Variants in LDHD observed in about 807,000 individuals in gnomAD.
LDHD encodes the protein D-lactate dehydrogenase, mitochondrial.
In LDHD, 58 loss-of-function variants were observed where a neutral mutation model predicts 52.9. The ratio of observed to expected loss-of-function variants is 1.10; its 90% CI spans 0.89 to 1.36. The LOEUF (loss-of-function observed/expected upper bound fraction) is 1.36. Among genes scored for constraint, LDHD ranks in the 40% most tolerant of loss-of-function variants. LDHD has a pLI of 0.00. For synonymous variants in LDHD, 350 were observed against 288.6 expected (o/e 1.21, Z -2.16); for missense variants, 747 against 668.0 (o/e 1.12, Z -1.30).
rs745596232 is a variant in LDHD, at chr16:75,112,879, T to C, written c.1132A>G (p.Ile378Val). The change falls in exon 9 of 11, where the codon ATC (isoleucine) becomes GTC (valine). Residue 378 changes from isoleucine (I) to valine (V), a missense_variant. Ile to Val is a conservative substitution (Grantham distance 29). Coordinates refer to ENST00000450168, the MANE Select transcript of LDHD (RefSeq NM_194436.3). Reference protein sequence around the residue: ...VCVPISRLPEIVVQTKEDLNA... With the variant: ...VCVPISRLPEVVVQTKEDLNA... ...AGATCCTCCTTGGTCTGCACCACGA[T>C]CTCCGGCAGCCGGGAGATGGGCACA... The C allele has an allele frequency of 6.2e-7, 1 of 1,613,360 alleles. No individual in the cohort carries two copies. Among genetic ancestry groups the C allele is most frequent in the Non-Finnish European group, 8.5e-7 (1 of 1,179,988 alleles).
In LDHD at chr16:75,116,649, C is replaced by T. The variant is rs1428878328; in HGVS notation, c.72G>A (p.Lys24=). ...GAGGACTTCTCTTCTCTCCCGGTAC[C>T]TTTGCCTTCTGGGAGCAGTAGCCCC... ...PWRGYCSQKA[K]GELCRDFVEA... The change falls in exon 1 of 11, where the codon AAG becomes AAA. Residue 24 remains lysine (K), a splice_region_variant and synonymous_variant. Coordinates refer to ENST00000450168, the MANE Select transcript of LDHD (RefSeq NM_194436.3). 1.0e-5 allele frequency: 16 copies of T among 1,604,896 alleles called. No individual in the cohort carries two copies. The highest frequency in any genetic ancestry group is 1.4e-5 in the Non-Finnish European group (16 of 1,176,084).
intron 1 of LDHD, among the ~76,000 whole-genome samples, chr16:75,116,379 C>G (rs1390706896): frequency 1.3e-5 from 2 of 152,166 alleles, no homozygotes. Context: ...AACCCAGGCC[C>G]TTTCCTTCAG....
rs774343849 is a variant in LDHD, at chr16:75,112,647, G to A, written c.1244C>T (p.Ala415Val). 6 of 1,613,980 alleles carry A rather than the reference G, an allele frequency of 3.7e-6. No homozygotes were observed. The highest frequency in any genetic ancestry group is 5.1e-6 in the Non-Finnish European group (6 of 1,180,034). ...AGCCTTGACCCTGCCCAGTTCCTCG[G>A]CGTCATCAGGGTTGACCAGCAGGAT... Reference protein sequence around the residue: ...HCILLVNPDDAEELGRVKAFA... With the variant: ...HCILLVNPDDVEELGRVKAFA... The change falls in exon 10 of 11, where the codon GCC (alanine) becomes GTC (valine). Residue 415 changes from alanine (A) to valine (V), a missense_variant. By Grantham distance (64) the Ala-to-Val change is moderately conservative. Coordinates refer to ENST00000450168, the MANE Select transcript of LDHD (RefSeq NM_194436.3).
intron 1 of LDHD, 167 bp downstream of exon 1, chr16:75,116,482 C>G (rs769334208): frequency 2.2e-5 from 13 of 582,504 alleles, no homozygotes; most frequent in African/African-American, 5.8e-5. Flanking sequence ...GCTGATCTCA[C>G]TCTACACCCA....
At position 75,112,646 on chromosome 16, in the gene LDHD, G is replaced by C. The variant is rs768095187; in HGVS notation, c.1245C>G (p.Ala415=). ...HCILLVNPDD[A]EELGRVKAFA... ...AAGCCTTGACCCTGCCCAGTTCCTC[G>C]GCGTCATCAGGGTTGACCAGCAGGA... The change falls in exon 10 of 11, where the codon GCC becomes GCG. Residue 415 remains alanine, a synonymous_variant. Transcript: ENST00000450168. 5.0e-6 allele frequency: 8 copies of C among 1,614,112 alleles called. No homozygotes were observed. The South Asian group carries it at 7.7e-5, about 16-fold the overall frequency.
Position 75,112,078 on chromosome 16 carries a change from G to A in LDHD, c.*278C>T. The A allele has an allele frequency of 2.4e-6, 1 of 421,626 alleles. No individual in the cohort carries two copies. Among genetic ancestry groups the A allele is most frequent in the Non-Finnish European group, 4.2e-6 (1 of 236,294 alleles). 26.1% of individuals were successfully genotyped at this position (421,626 alleles called of 1,614,324 possible). ...GACCCAGACGCTCTCTTCCCGCCAG[G>A]ACAGGATGCGTAGGAGCAGAGAGGA... is the stretch of plus-strand genomic sequence containing the variant. On this transcript the variant is annotated 3_prime_UTR_variant, in exon 11 of 11. Transcript: ENST00000450168.
intron 1 of LDHD, among the ~76,000 whole-genome samples, chr16:75,115,939 C>T (rs1038011425): frequency 1.7e-5 from 1 of 58,962 alleles, no homozygotes; most frequent in Non-Finnish European, 6.0e-5. Context: ...AAAACAGGGT[C>T]TTACTATGTT....
At position 75,114,888 on chromosome 16, in the gene LDHD, T is replaced by C; in HGVS notation, c.408A>G (p.Pro136=). 6.2e-7 allele frequency: 1 copy of C among 1,614,050 alleles called. No homozygotes were observed. Among genetic ancestry groups the C allele is most frequent in the Non-Finnish European group, 8.5e-7 (1 of 1,180,008 alleles). ...NQEDFSVVVE[P]GVTRKALNAH... is the part of the protein sequence containing the mutation. ...CGTTGAGGGCTTTGCGGGTGACACCTGGCTCCACCACCACAGAGAAGTCCT... is the reference window on the plus strand; with the variant it reads ...CGTTGAGGGCTTTGCGGGTGACACCCGGCTCCACCACCACAGAGAAGTCCT... Residue 136 remains proline, a synonymous_variant, in exon 4 of 11, where the codon CCA becomes CCG. Transcript: ENST00000450168.
intron 5 of LDHD, 180 bp from the exon 6 acceptor site, chr16:75,114,345 G>A: frequency 1.4e-6 from 2 of 1,447,588 alleles, no homozygotes; most frequent in South Asian, 1.3e-5. Context: ...GCCTCAGGCA[G>A]GGAGAGCAAA....
intron 1 of LDHD, 31 bp downstream of exon 1, chr16:75,116,618 C>G (rs1449234814): frequency 2.5e-6 from 4 of 1,577,588 alleles, no homozygotes; most frequent in Non-Finnish European, 1.7e-6. Context: ...CCACCTCATC[C>G]CTCCAGAGGA....
At chr16:75,115,781 C>A in intron 1 of LDHD, 121 bp from the exon 2 acceptor site, 1 of 603,196 alleles carries the variant, frequency 1.7e-6, no homozygotes, top group South Asian at 2.3e-5. Context: ...TGCGCCCGCC[C>A]CGCTGACAAC....
At chr16:75,116,543 C>G (rs2036560276) in intron 1 of LDHD, 106 bp downstream of exon 1, 3 of 924,256 alleles carry the variant, frequency 3.2e-6, no homozygotes, top group Non-Finnish European at 5.1e-6. Context: ...AAGGTCAGGT[C>G]ACTTGGTGCT....
chr16:75,113,401 T>C lies in LDHD; in HGVS notation c.1086+134A>G, dbSNP rs936743202. The C allele has an allele frequency of 7.2e-6, 8 of 1,116,430 alleles. No homozygotes were observed. The African/African-American group carries it at 1.2e-4, about 17-fold the overall frequency. 69.2% of individuals were successfully genotyped at this position (1,116,430 alleles called of 1,614,324 possible). A position where few individuals can be genotyped will look rare whatever the true frequency, so the allele number is the denominator to read the frequency against. ...GGTGGGGCGGTCTGCAGCCCTTGTT[T>C]CTAGCGCCTGCTCAGCCAGGCCCAG... is the stretch of plus-strand genomic sequence containing the variant. On this transcript the variant is annotated intron_variant, in intron 8 of 10. Transcript: ENST00000450168.
In LDHD at chr16:75,113,571, G is replaced by C. The variant is rs765184004; in HGVS notation, c.1050C>G (p.Ala350=). The C allele has an allele frequency of 5.6e-6, 9 of 1,612,920 alleles. No homozygotes were observed. The highest frequency in any genetic ancestry group is 1.7e-5 in the Admixed American group (1 of 60,002). The stretch of plus-strand genomic sequence containing the variant: ...GCCGCGTGGCCAGGGCTGCGTACCA[G>C]GCATTGTGCCGTGCTGTCCAAAGCC... The part of the protein sequence containing the change: ...RSRLWTARHN[A]WYAALATRPG... The change falls in exon 8 of 11, where the codon GCC becomes GCG. Residue 350 remains alanine, a synonymous_variant. Transcript: ENST00000450168.
At position 75,114,612 on chromosome 16, in the gene LDHD, G is replaced by C; in HGVS notation, c.543C>G (p.Gly181=). ...GASGTNAVRY[G]TMRDNVLNLE... Reference sequence around the variant, plus strand: ...GGTTGAGCACGTTGTCCCGCATGGTGCCGTAGCGGACCGCGTTGGTCCCCG... The same window carrying C: ...GGTTGAGCACGTTGTCCCGCATGGTCCCGTAGCGGACCGCGTTGGTCCCCG... The change falls in exon 5 of 11, where the codon GGC becomes GGG. Residue 181 remains glycine (G), a synonymous_variant. Transcript: ENST00000450168. 1 of 1,534,472 alleles carries C rather than the reference G, an allele frequency of 6.5e-7. No individual in the cohort carries two copies. The highest frequency in any genetic ancestry group is 2.0e-5 in the Admixed American group (1 of 50,960).
chr16:75,116,499 G>A (rs1464398699), intron 1 of LDHD, 150 bp downstream of exon 1: 3 of 630,866 alleles, frequency 4.8e-6, no homozygotes, highest in South Asian at 1.9e-5. Flanking sequence ...CCCACCCACA[G>A]TTGCCACAGG....
chr16:75,114,268 GTCTGGGCTGGCCTCCCTCGGGCCCAGTT>G, intron 5 of LDHD, 103 bp from the exon 6 acceptor site: 1 of 1,562,958 alleles, frequency 6.4e-7, no homozygotes, highest in Non-Finnish European at 8.6e-7. Context: ...AGGCACTGAG[GTCTGGGCTGGCCTCCCTCGGGCCCAGTT>G]TCCCTGGCCC....
At position 75,113,847 on chromosome 16, in the gene LDHD, C is replaced by G; in HGVS notation, c.853G>C (p.Asp285His). ...AGCTTGCTGTACCTGTTGCAGGCATCCATCATGACTTCATCCAGGAACTCT... is the reference window on the plus strand; with the variant it reads ...AGCTTGCTGTACCTGTTGCAGGCATGCATCATGACTTCATCCAGGAACTCT... ...RIEFLDEVMM[D>H]ACNRYSKLNC... is the part of the protein sequence containing the mutation. The change falls in exon 7 of 11, where the codon GAT becomes CAT. Residue 285 changes from aspartate (D) to histidine (H), a missense_variant. Asp to His is a moderately conservative substitution (Grantham distance 81). Transcript: ENST00000450168. 1.2e-6 allele frequency: 2 copies of G among 1,614,094 alleles called. No homozygotes were observed. Among genetic ancestry groups the G allele is most frequent in the Non-Finnish European group, 1.7e-6 (2 of 1,180,042 alleles).
intron 8 of LDHD, 144 bp from the exon 9 acceptor site, chr16:75,113,068 C>T: frequency 1.5e-6 from 1 of 657,386 alleles, no homozygotes; most frequent in South Asian, 1.8e-5. Context: ...CTCTAGGCCT[C>T]AGCCCTCACC....
Sources: allele counts gnomAD v4.1 joint callset (sites outside exome capture counted in the v4.1 genomes callset), GRCh38; gene constraint gnomAD v4.1.1; transcripts MANE v1.5; gene names NCBI Gene and HGNC (gene_info 2026-07-23, HGNC 2026-07-21).